Variants in ASAP1 observed in about 807,000 individuals in gnomAD.
ASAP1 encodes ArfGAP with SH3 domain, ankyrin repeat and PH domain 1.
Under a neutral mutation model 145.2 loss-of-function variants are expected in ASAP1, and 43 were observed. The observed-to-expected ratio is 0.30, with a 90% CI of 0.23 to 0.38. The LOEUF (loss-of-function observed/expected upper bound fraction) is 0.38, where lower values mean the gene tolerates loss of function less well. Among genes scored for constraint, ASAP1 ranks in the 10% least tolerant of loss-of-function variants. ASAP1 has a pLI of 1.00. For missense variants in ASAP1, 1,018 were observed against 1,355.3 expected (o/e 0.75, Z 3.91); for synonymous variants, 546 against 515.5 (o/e 1.06, Z -0.80).
intron 29 of ASAP1, among the ~76,000 whole-genome samples, chr8:130,056,014 G>A (rs76688779): frequency 8.3e-4 from 126 of 152,312 alleles, no homozygotes; most frequent in Middle Eastern, 6.8e-3. Context: ...AATGATGCTA[G>A]GGACACCAAT....
chr8:130,116,789 ACCTT>A (rs746508695), intron 21 of ASAP1, 44 bp from the exon 22 acceptor site: 1 of 1,600,034 alleles, frequency 6.2e-7, no homozygotes, highest in Admixed American at 1.7e-5. Context: ...TCTAGGAAAC[ACCTT>A]AAGAAGGCAA....
At chr8:130,243,152 C>T (rs1430464391) in intron 3 of ASAP1, among the ~76,000 whole-genome samples, 1 of 152,098 alleles carries the variant, frequency 6.6e-6, no homozygotes, top group Non-Finnish European at 1.5e-5. Context: ...AGCAGCAAAA[C>T]CCTTTGCTAG....
chr8:130,358,613 G>T lies in ASAP1; in HGVS notation c.60-470C>A, dbSNP rs1304805886. On this transcript the variant is annotated intron_variant, in intron 2 of 29. Coordinates refer to ENST00000518721, the MANE Select transcript of ASAP1 (RefSeq NM_018482.4). The surrounding 1 kb of genome is among the most constrained non-coding windows in gnomAD (Gnocchi z 4.1). ...GACTGACTGAGCGCACACTCCCGCG[G>T]CGGGCGGGCGGGCGGGCGGCGCTCG... Among the ~76,000 whole-genome samples, 1 of 147,102 alleles carries T rather than the reference G, an allele frequency of 6.8e-6. No individual in the cohort carries two copies. Among genetic ancestry groups the T allele is most frequent in the African/African-American group, 2.4e-5 (1 of 40,906 alleles).
At chr8:130,060,437 A>G (rs2097416495) in intron 28 of ASAP1, 142 bp downstream of exon 28, 1 of 1,186,204 alleles carries the variant, frequency 8.4e-7, no homozygotes, top group East Asian at 2.4e-5. Flanking sequence ...GCTCTAATCC[A>G]CCATCATGCT....
At chr8:130,273,093 A>C (rs1820677950) in intron 3 of ASAP1, among the ~76,000 whole-genome samples, 1 of 152,218 alleles carries the variant, frequency 6.6e-6, no homozygotes, top group East Asian at 1.9e-4. Flanking sequence ...GCATGTAAGA[A>C]AATTTCACAT....
intron 2 of ASAP1, among the ~76,000 whole-genome samples, chr8:130,385,138 T>A (rs1420802929): frequency 6.6e-6 from 1 of 152,092 alleles, no homozygotes; most frequent in Non-Finnish European, 1.5e-5. Flanking sequence ...AGAAGGCACG[T>A]TGCTAGCTGG....
intron 3 of ASAP1, among the ~76,000 whole-genome samples, chr8:130,300,180 A>C (rs199808862): frequency 0.02 from 2,826 of 142,262 alleles, 33 homozygotes; most frequent in Non-Finnish European, 0.021. Context: ...AGAGAGAGAG[A>C]GAGAGAGCGA....
At chr8:130,372,139 C>T (rs796337753) in intron 2 of ASAP1, among the ~76,000 whole-genome samples, 13 of 152,332 alleles carry the variant, frequency 8.5e-5, no homozygotes, top group African/African-American at 3.1e-4. Context: ...ACAGGCATTA[C>T]ATTTTATAAG....
chr8:130,361,522 T>C (rs979243112), intron 2 of ASAP1: 8 of 666,340 alleles, frequency 1.2e-5, no homozygotes, highest in Non-Finnish European at 2.1e-5. Flanking sequence ...TCAGTTTCAT[T>C]TGAAGATTAT....
chr8:130,106,822 C>CT (rs1166194697), intron 24 of ASAP1, among the ~76,000 whole-genome samples: 6 of 152,212 alleles, frequency 3.9e-5, no homozygotes, highest in African/African-American at 1.4e-4. Context: ...ACTTCTCTTT[C>CT]CTGCTCCTCC....
intron 3 of ASAP1, among the ~76,000 whole-genome samples, chr8:130,286,081 C>A (rs987321811): frequency 1.3e-5 from 2 of 152,188 alleles, no homozygotes; most frequent in Non-Finnish European, 2.9e-5. Context: ...TCAATCCTCA[C>A]AACAAATTTG....
intron 2 of ASAP1, among the ~76,000 whole-genome samples, chr8:130,365,197 G>A (rs1245764029): frequency 2.0e-5 from 3 of 152,196 alleles, no homozygotes; most frequent in East Asian, 3.9e-4. Flanking sequence ...GAGGTAGTGT[G>A]TTTTCTGCAA....
intron 7 of ASAP1, among the ~76,000 whole-genome samples, chr8:130,181,357 T>C (rs551386170): frequency 6.6e-6 from 1 of 152,348 alleles, no homozygotes; most frequent in East Asian, 1.9e-4. Flanking sequence ...TGAAGAAATT[T>C]TGATAGTTTA....
intron 3 of ASAP1, chr8:130,341,021 G>A (rs1028813441): frequency 1.7e-5 from 7 of 412,050 alleles, no homozygotes; most frequent in Non-Finnish European, 3.3e-5. Flanking sequence ...GTTTTTTAGA[G>A]TGTTTTTTAA....
intron 13 of ASAP1, among the ~76,000 whole-genome samples, chr8:130,150,514 T>A (rs1177625739): frequency 6.6e-6 from 1 of 152,184 alleles, no homozygotes; most frequent in African/African-American, 2.4e-5. Flanking sequence ...AAATGCCTAG[T>A]GAGGACTGTT....
chr8:130,432,386 G>T (rs79826968), intron 1 of ASAP1, among the ~76,000 whole-genome samples: 14,539 of 152,118 alleles, frequency 0.096, 949 homozygotes, highest in South Asian at 0.28. Flanking sequence ...GCAAGACTGT[G>T]AAAGTATAAA....
In ASAP1 at chr8:130,152,779, T is replaced by C; in HGVS notation, c.1037A>G (p.Lys346Arg). ...CAGAATCCCATTCTTGACTGAACACTTCCTCCTCTGCCATACTTTCCGGAT... is the reference window on the plus strand; with the variant it reads ...CAGAATCCCATTCTTGACTGAACACCTCCTCCTCTGCCATACTTTCCGGAT... ...DGIRKVWQRR[K>R]CSVKNGILTI... Residue 346 changes from lysine (K) to arginine (R), a missense_variant, in exon 13 of 30, where the codon AAG becomes AGG. By Grantham distance (26) the Lys-to-Arg change is conservative. Around this residue, in one of 9 missense-constraint regions of ASAP1, gnomAD observed 27 missense variants for 88.2 expected, o/e 0.31. Coordinates refer to ENST00000518721, the MANE Select transcript of ASAP1 (RefSeq NM_018482.4). 1 of 1,611,068 alleles carries C rather than the reference T, an allele frequency of 6.2e-7. No homozygotes were observed. Among genetic ancestry groups the C allele is most frequent in the African/African-American group, 1.3e-5 (1 of 74,966 alleles).
chr8:130,173,875 C>T (rs1006609253), intron 9 of ASAP1, among the ~76,000 whole-genome samples: 1 of 151,266 alleles, frequency 6.6e-6, no homozygotes, highest in African/African-American at 2.4e-5. Context: ...GAGTTCGAGA[C>T]CAGCCTGGGC....
intron 9 of ASAP1, among the ~76,000 whole-genome samples, chr8:130,174,930 T>C (rs144281576): frequency 5.9e-5 from 9 of 152,376 alleles, no homozygotes; most frequent in African/African-American, 2.2e-4. Flanking sequence ...CCGTGTTTTG[T>C]TTATTGTAAA....
Sources: allele counts gnomAD v4.1 joint callset (sites outside exome capture counted in the v4.1 genomes callset), GRCh38; gene constraint gnomAD v4.1.1; regional missense constraint gnomAD v4.1.1; non-coding constraint Gnocchi (gnomAD v3.1); transcripts MANE v1.5; gene names NCBI Gene and HGNC (gene_info 2026-07-23, HGNC 2026-07-21).